Variants in ATXN1 observed in about 807,000 individuals in gnomAD.
ATXN1 encodes ataxin-1.
Under a neutral mutation model 56.4 loss-of-function variants are expected in ATXN1, and 8 were observed. The ratio of observed to expected loss-of-function variants is 0.14; its 90% CI spans 0.08 to 0.26. The LOEUF is 0.26. ATXN1 is among the 10% of genes least tolerant of loss of function. The pLI, the probability that ATXN1 is intolerant of heterozygous loss-of-function variation, is 1.00. For missense variants in ATXN1, 987 were observed against 1,106.5 expected (o/e 0.89, Z 1.53); for synonymous variants, 514 against 494.6 (o/e 1.04, Z -0.52).
At chr6:16,370,586 A>G (rs957684397) in intron 6 of ATXN1, among the ~76,000 whole-genome samples, 7 of 152,256 alleles carry the variant, frequency 4.6e-5, no homozygotes, top group African/African-American at 1.2e-4. Flanking sequence ...CTTAAAAAAT[A>G]TAAAACTGCT....
rs564857356 is a variant in ATXN1, at chr6:16,652,704, A to G, written c.-489+5072T>C. 3.3e-5 allele frequency among the ~76,000 whole-genome samples: 5 copies of G among 152,300 alleles called. No individual in the cohort carries two copies. In the East Asian group the frequency reaches 9.6e-4, roughly 29 times the overall value. On this transcript the variant is annotated intron_variant, in intron 3 of 7. Transcript: ENST00000436367. Reference sequence around the variant, plus strand: ...CAACCCAAAAACAGCCCTCGCTCCCATCAGATGGAAAGAACTACGCAGAGG... The same window carrying G: ...CAACCCAAAAACAGCCCTCGCTCCCGTCAGATGGAAAGAACTACGCAGAGG...
At chr6:16,419,660 A>C (rs1355193326) in intron 6 of ATXN1, among the ~76,000 whole-genome samples, 1 of 152,038 alleles carries the variant, frequency 6.6e-6, no homozygotes, top group East Asian at 1.9e-4. Flanking sequence ...CCAACGTAAC[A>C]AGCAAAGGTG....
chr6:16,552,512 T>C (rs1761939817), intron 4 of ATXN1, among the ~76,000 whole-genome samples: 3 of 152,200 alleles, frequency 2.0e-5, no homozygotes, highest in Non-Finnish European at 4.4e-5. Context: ...TAAGGTGTAA[T>C]TTATCAGGTA....
At chr6:16,577,507 G>C (rs1351849966) in intron 4 of ATXN1, among the ~76,000 whole-genome samples, 1 of 137,350 alleles carries the variant, frequency 7.3e-6, no homozygotes, top group Non-Finnish European at 1.5e-5. Context: ...TTGGGCAACA[G>C]AGCAAGACTC....
rs1214001710 is a variant in ATXN1, at chr6:16,300,153, A to G, written c.*6176T>C. 2.0e-5 allele frequency: 3 copies of G among 152,670 alleles called. No homozygotes were observed. The highest frequency in any genetic ancestry group is 4.4e-5 in the Non-Finnish European group (3 of 68,042). 9.5% of individuals were successfully genotyped at this position (152,670 alleles called of 1,614,324 possible). ...CTCATTGGCCATCCAGACAGCAAAC[A>G]AACTAAAGGGAAAGAAAACGTGGGT... On this transcript the variant is annotated 3_prime_UTR_variant, in exon 8 of 8. Transcript: ENST00000436367.
intron 3 of ATXN1, among the ~76,000 whole-genome samples, chr6:16,602,182 T>C (rs768462312): frequency 6.6e-5 from 10 of 152,122 alleles, no homozygotes; most frequent in Non-Finnish European, 1.0e-4. Context: ...AGTTCATCTG[T>C]AGGATCCTTC....
At chr6:16,548,304 G>T (rs1561749761) in intron 4 of ATXN1, among the ~76,000 whole-genome samples, 1 of 152,198 alleles carries the variant, frequency 6.6e-6, no homozygotes, top group Non-Finnish European at 1.5e-5. Context: ...AAGTTGCTCT[G>T]GGTGAGTCAG....
At chr6:16,338,697 A>T (rs187286731) in intron 6 of ATXN1, among the ~76,000 whole-genome samples, 107 of 152,272 alleles carry the variant, frequency 7.0e-4, no homozygotes, top group Non-Finnish European at 1.4e-3. Context: ...ATGAATTCTC[A>T]GTGATCACCC....
intron 6 of ATXN1, among the ~76,000 whole-genome samples, chr6:16,436,935 G>A (rs987671022): frequency 5.3e-5 from 8 of 152,190 alleles, no homozygotes; most frequent in African/African-American, 1.9e-4. Context: ...CCAAGAGATG[G>A]TGGCACCGTG....
intron 6 of ATXN1, among the ~76,000 whole-genome samples, chr6:16,390,565 C>A (rs1316978623): frequency 6.6e-6 from 1 of 152,086 alleles, no homozygotes; most frequent in Admixed American, 6.5e-5. Flanking sequence ...GGATTTTCTA[C>A]CTCCATTTGG....
In ATXN1 at chr6:16,566,717, A is replaced by C. The variant is rs188764407; in HGVS notation, c.-361+19063T>G. 2.3e-3 allele frequency among the ~76,000 whole-genome samples: 350 copies of C among 152,094 alleles called. 1 individual carries two copies. The highest frequency in any genetic ancestry group is 7.9e-3 in the African/African-American group (326 of 41,512). On this transcript the variant is annotated intron_variant, in intron 4 of 7. Coordinates refer to ENST00000436367, the MANE Select transcript of ATXN1 (RefSeq NM_001128164.2). ...AAATACAAAAAAAAATTAGCCGGGCATGGTGGTGGGTTCCTGTAATCTCAG... is the reference window on the plus strand; with the variant it reads ...AAATACAAAAAAAAATTAGCCGGGCCTGGTGGTGGGTTCCTGTAATCTCAG...
chr6:16,457,993 T>C (rs1044340830), intron 6 of ATXN1, among the ~76,000 whole-genome samples: 3 of 152,216 alleles, frequency 2.0e-5, no homozygotes, highest in Non-Finnish European at 2.9e-5. Flanking sequence ...CTGGTAGGTA[T>C]ATAGATGTCC....
chr6:16,628,664 T>A (rs1763449897), intron 3 of ATXN1, among the ~76,000 whole-genome samples: 1 of 152,220 alleles, frequency 6.6e-6, no homozygotes. Flanking sequence ...CCCTTCTTTG[T>A]GTCCATGAGT....
intron 4 of ATXN1, among the ~76,000 whole-genome samples, chr6:16,578,167 A>AT (rs35407192): frequency 5.3e-5 from 8 of 152,282 alleles, no homozygotes; most frequent in African/African-American, 1.9e-4. Context: ...TAATCTCTAA[A>AT]TTTTTTGGTA....
intron 2 of ATXN1, chr6:16,667,215 C>T (rs1325026310): frequency 1.3e-5 from 2 of 152,200 alleles, no homozygotes; most frequent in African/African-American, 4.8e-5. Flanking sequence ...AGGACTCCAA[C>T]CTCCATCCAC....
chr6:16,749,325 ATTG>A lies in ATXN1; in HGVS notation c.-615+3905_-615+3907del, dbSNP rs1217424106. Among the ~76,000 whole-genome samples the A allele has an allele frequency of 9.2e-5, 14 of 152,344 alleles. No individual in the cohort carries two copies. The East Asian group carries it at 2.5e-3, about 27-fold the overall frequency. ...TAGAAAAGATCAAAGAAATGCTGGA[ATTG>A]TTGTTAAAACGTACAGGGCTTCACT... On this transcript the variant is annotated intron_variant, in intron 2 of 7. Transcript: ENST00000436367.
At chr6:16,467,687 T>C (rs1760135213) in intron 6 of ATXN1, among the ~76,000 whole-genome samples, 1 of 152,252 alleles carries the variant, frequency 6.6e-6, no homozygotes, top group Non-Finnish European at 1.5e-5. Flanking sequence ...CTATTTACTG[T>C]AGTTCATTAT....
chr6:16,446,264 C>T (rs1223713308), intron 6 of ATXN1, among the ~76,000 whole-genome samples: 1 of 152,140 alleles, frequency 6.6e-6, no homozygotes, highest in Non-Finnish European at 1.5e-5. Context: ...TTGCATTTCT[C>T]TGATGGCCAG....
intron 3 of ATXN1, among the ~76,000 whole-genome samples, chr6:16,646,795 C>G (rs1361699435): frequency 6.6e-6 from 1 of 152,212 alleles, no homozygotes; most frequent in Non-Finnish European, 1.5e-5. Context: ...CTTCGCCTTC[C>G]CTAGCTGGGT....
Sources: allele counts gnomAD v4.1 joint callset (sites outside exome capture counted in the v4.1 genomes callset), GRCh38; gene constraint gnomAD v4.1.1; transcripts MANE v1.5; gene names NCBI Gene and HGNC (gene_info 2026-07-23, HGNC 2026-07-21).